TRPM3: variants seen among roughly 807,000 people sequenced by gnomAD.
TRPM3 encodes the protein transient receptor potential cation channel subfamily M member 3.
Under a neutral mutation model 181.2 loss-of-function variants are expected in TRPM3, and 77 were observed. The ratio of observed to expected loss-of-function variants is 0.42; its 90% CI spans 0.35 to 0.51. The LOEUF (loss-of-function observed/expected upper bound fraction) is 0.51, where lower values mean the gene tolerates loss of function less well. TRPM3 is among the 20% of genes least tolerant of loss of function. TRPM3 has a pLI of 0.01. For synonymous variants in TRPM3, 745 were observed against 796.4 expected (o/e 0.94, Z 1.09); for missense variants, 1,759 against 2,196.7 (o/e 0.80, Z 3.98).
chr9:70,757,147 G>A (rs2077230461), intron 8 of TRPM3, among the ~76,000 whole-genome samples: 1 of 151,996 alleles, frequency 6.6e-6, no homozygotes, highest in South Asian at 2.1e-4. Context: ...AATGATAAAG[G>A]GGATATCACC....
rs556429092 is a variant in TRPM3 at position 71,320,453 on chromosome 9, T to C, written c.183+126200A>G. On this transcript the variant is annotated intron_variant, in intron 1 of 24. Transcript: ENST00000357533. Reference sequence around the variant, plus strand: ...GTGTGGCAGTAAGAAAATACCAATGTTGGTCAGAGACAAGAGAAGGGAAAA... The same window carrying C: ...GTGTGGCAGTAAGAAAATACCAATGCTGGTCAGAGACAAGAGAAGGGAAAA... Among the ~76,000 whole-genome samples the C allele has an allele frequency of 1.9e-3, 286 of 152,274 alleles. 1 individual carries two copies. The highest frequency in any genetic ancestry group is 6.6e-3 in the African/African-American group (276 of 41,574).
intron 6 of TRPM3, among the ~76,000 whole-genome samples, chr9:70,792,900 C>A (rs2085870172): frequency 6.6e-6 from 1 of 151,926 alleles, no homozygotes; most frequent in Non-Finnish European, 1.5e-5. Context: ...AAATTCTACT[C>A]AATTTTGTAT....
At chr9:71,349,470 A>C (rs2091475800) in intron 1 of TRPM3, among the ~76,000 whole-genome samples, 1 of 152,236 alleles carries the variant, frequency 6.6e-6, no homozygotes, top group African/African-American at 2.4e-5. Flanking sequence ...GCAAAGAGAA[A>C]TTCCACTAAG....
At chr9:71,305,624 C>T (rs998308422) in intron 1 of TRPM3, among the ~76,000 whole-genome samples, 3 of 152,102 alleles carry the variant, frequency 2.0e-5, no homozygotes, top group African/African-American at 7.2e-5. Context: ...AATTAAATTA[C>T]TAGATAATTT....
rs375338367 is a variant in TRPM3, at chr9:71,120,636, CA to C, written c.177+541del. Among the ~76,000 whole-genome samples, 103 of 152,206 alleles carry C rather than the reference CA, an allele frequency of 6.8e-4. No individual in the cohort carries two copies. The East Asian group carries it at 0.018, about 27-fold the overall frequency. On this transcript the variant is annotated intron_variant, in intron 1 of 25. Coordinates refer to ENST00000677713, the MANE Select transcript of TRPM3 (RefSeq NM_001366145.2). Reference sequence around the variant, plus strand: ...TATGCCTTTTCTAAAAACAAGGACACAAAAAAAGTCACTGTCTGAGGAGGCT... The same window carrying C: ...TATGCCTTTTCTAAAAACAAGGACACAAAAAAGTCACTGTCTGAGGAGGCT...
intron 1 of TRPM3, among the ~76,000 whole-genome samples, chr9:70,972,033 T>C (rs1370146653): frequency 1.3e-5 from 2 of 152,176 alleles, no homozygotes; most frequent in Non-Finnish European, 2.9e-5. Context: ...AGTCTAGCAG[T>C]TCCTCAAAAT....
chr9:70,555,254 C>A (rs2131897878), intron 22 of TRPM3, among the ~76,000 whole-genome samples: 1 of 152,322 alleles, frequency 6.6e-6, no homozygotes, highest in East Asian at 1.9e-4. Flanking sequence ...TTCCAAAGCC[C>A]ACCCAGCTCC....
chr9:71,270,260 G>A (rs895758367), intron 1 of TRPM3, among the ~76,000 whole-genome samples: 2 of 152,164 alleles, frequency 1.3e-5, no homozygotes, highest in African/African-American at 4.8e-5. Context: ...TGAGGCAGAA[G>A]AATCGCTTGA....
At chr9:71,321,821 G>A (rs1014778240) in intron 1 of TRPM3, among the ~76,000 whole-genome samples, 3 of 151,972 alleles carry the variant, frequency 2.0e-5, no homozygotes, top group South Asian at 4.2e-4. Flanking sequence ...TAATTTGGCG[G>A]GCAATTTTTA....
chr9:71,226,659 T>C (rs887974621), intron 1 of TRPM3, among the ~76,000 whole-genome samples: 6 of 151,998 alleles, frequency 3.9e-5, no homozygotes, highest in Non-Finnish European at 8.8e-5. Flanking sequence ...TACACATATA[T>C]ACAGATATAT....
chr9:70,770,640 G>T (rs1485307520), intron 7 of TRPM3, among the ~76,000 whole-genome samples: 1 of 152,136 alleles, frequency 6.6e-6, no homozygotes, highest in Non-Finnish European at 1.5e-5. Context: ...ACCAGTGAGG[G>T]ATCTGAGACA....
intron 1 of TRPM3, among the ~76,000 whole-genome samples, chr9:71,203,938 C>T (rs1005510506): frequency 5.9e-5 from 9 of 152,012 alleles, no homozygotes; most frequent in African/African-American, 1.9e-4. Flanking sequence ...CTTTGACAAA[C>T]CTGACAAAAA....
chr9:70,678,453 G>C (rs1183807912), intron 9 of TRPM3, among the ~76,000 whole-genome samples: 1 of 152,062 alleles, frequency 6.6e-6, no homozygotes, highest in African/African-American at 2.4e-5. Context: ...TTTTTGGACA[G>C]ACACTGGATA....
chr9:71,369,145 A>G (rs1461750728), intron 1 of TRPM3, among the ~76,000 whole-genome samples: 1 of 152,188 alleles, frequency 6.6e-6, no homozygotes, highest in Admixed American at 6.5e-5. Flanking sequence ...GGAAAAAAAT[A>G]AAGAGCAGAG....
At chr9:71,203,824 C>A (rs955636469) in intron 1 of TRPM3, among the ~76,000 whole-genome samples, 1 of 152,098 alleles carries the variant, frequency 6.6e-6, no homozygotes, top group Non-Finnish European at 1.5e-5. Context: ...TTCTTTTCTG[C>A]TTCTCCTCCT....
chr9:71,038,522 C>T (rs2058466333), intron 1 of TRPM3, among the ~76,000 whole-genome samples: 1 of 152,160 alleles, frequency 6.6e-6, no homozygotes, highest in Non-Finnish European at 1.5e-5. Flanking sequence ...TTCTCCCTAA[C>T]AATATCTTTC....
rs777961445 is a variant in TRPM3, at chr9:70,537,291, G to T, written c.3822C>A (p.Arg1274=). ...RLAQLEDLIG[R]MATALERLTG... is the part of the protein sequence containing the mutation. ...TCAGGCGCTCCAGGGCCGTGGCCAT[G>T]CGCCCGATAAGGTCTTCCAGCTGCG... Residue 1274 remains arginine, a synonymous_variant, in exon 26 of 26, where the codon CGC becomes CGA. Coordinates refer to ENST00000677713, the MANE Select transcript of TRPM3 (RefSeq NM_001366145.2). 6.4e-7 allele frequency: 1 copy of T among 1,558,148 alleles called. No individual in the cohort carries two copies. The highest frequency in any genetic ancestry group is 8.7e-7 in the Non-Finnish European group (1 of 1,148,994).
intron 1 of TRPM3, among the ~76,000 whole-genome samples, chr9:70,909,108 A>T (rs1385874298): frequency 6.6e-6 from 1 of 152,262 alleles, no homozygotes; most frequent in Admixed American, 6.5e-5. Context: ...ATTGCAGTGC[A>T]TTAAAAATGT....
chr9:70,824,445 T>TG (rs910297418), intron 6 of TRPM3: 1 of 152,078 alleles, frequency 6.6e-6, no homozygotes, highest in African/African-American at 2.4e-5. Flanking sequence ...ATTTTTTTTT[T>TG]GAGATGGAGT....
Sources: gnomAD v4.1 joint callset for allele counts (sites outside exome capture counted in the v4.1 genomes callset) on GRCh38, gnomAD v4.1.1 for gene constraint, MANE v1.5 for transcripts, NCBI Gene and HGNC (gene_info 2026-07-23, HGNC 2026-07-21) for gene names.